Variants in TMOD2 observed in about 807,000 individuals in gnomAD.
TMOD2 encodes tropomodulin-2.
A neutral mutation model predicts 39.9 loss-of-function variants in TMOD2; 22 were observed. That is an observed-to-expected ratio of 0.55 (90% CI 0.39 to 0.79). The LOEUF (loss-of-function observed/expected upper bound fraction) is 0.79, where lower values mean the gene tolerates loss of function less well. TMOD2 is among the 30% of genes least tolerant of loss of function. The pLI is 0.00. For missense variants in TMOD2, 386 were observed against 413.3 expected (o/e 0.93, Z 0.57); for synonymous variants, 123 against 146.1 (o/e 0.84, Z 1.14).
Position 51,809,930 on chromosome 15 carries a change from C to T in TMOD2, c.*1476C>T, listed in dbSNP as rs182602875. 2.0e-5 allele frequency: 3 copies of T among 152,108 alleles called. No individual in the cohort carries two copies. The highest frequency in any genetic ancestry group is 7.2e-5 in the African/African-American group (3 of 41,496). 9.4% of individuals were successfully genotyped at this position (152,108 alleles called of 1,614,324 possible). A position where few individuals can be genotyped will look rare whatever the true frequency, so the allele number is the denominator to read the frequency against. On this transcript the variant is annotated 3_prime_UTR_variant, in exon 10 of 10. Transcript: ENST00000249700. ...ACACATGGAATCTGTTTAAGATAGC[C>T]CTTGTAAAATTGAACATTTACCTGT...
chr15:51,756,746 G>A (rs1044150718), intron 1 of TMOD2, among the ~76,000 whole-genome samples: 1 of 152,154 alleles, frequency 6.6e-6, no homozygotes, highest in Non-Finnish European at 1.5e-5. Flanking sequence ...CTTTCAGCTT[G>A]TTCCTTCCCA....
chr15:51,770,456 G>A lies in TMOD2; in HGVS notation c.283+2038G>A, dbSNP rs556798023. Among the ~76,000 whole-genome samples, 26 of 152,248 alleles carry A rather than the reference G, an allele frequency of 1.7e-4. No homozygotes were observed. The South Asian group carries it at 5.0e-3, about 29-fold the overall frequency. On this transcript the variant is annotated intron_variant, in intron 3 of 9. Transcript: ENST00000249700. ...TATCCTGGCACAGCAACTGGCATGG[G>A]AGGCACTTGATAAACATGGGTTCCA... is the stretch of plus-strand genomic sequence containing the variant.
chr15:51,779,446 T>C (rs1195657060), intron 5 of TMOD2, among the ~76,000 whole-genome samples: 1 of 151,098 alleles, frequency 6.6e-6, no homozygotes, highest in Non-Finnish European at 1.5e-5. Flanking sequence ...AGTGGCACGA[T>C]CTCAGCTCAC....
intron 1 of TMOD2, among the ~76,000 whole-genome samples, chr15:51,760,032 T>C (rs180807181): frequency 6.6e-6 from 1 of 152,280 alleles, no homozygotes; most frequent in Non-Finnish European, 1.5e-5. Flanking sequence ...AGGGAACCCA[T>C]TGATACAGTC....
chr15:51,767,597 C>T (rs986477552), intron 2 of TMOD2, among the ~76,000 whole-genome samples: 1 of 151,228 alleles, frequency 6.6e-6, no homozygotes, highest in Non-Finnish European at 1.5e-5. Context: ...CTGGAAATTG[C>T]TCCGTGTAAT....
intron 5 of TMOD2, 82 bp downstream of exon 5, chr15:51,777,100 G>A: frequency 8.6e-7 from 1 of 1,164,226 alleles, no homozygotes; most frequent in Non-Finnish European, 1.3e-6. Context: ...GTTGAGTCTT[G>A]CAGGCTTTAC....
chr15:51,769,044 A>G (rs913091534), intron 3 of TMOD2, among the ~76,000 whole-genome samples: 6 of 152,244 alleles, frequency 3.9e-5, no homozygotes, highest in Non-Finnish European at 7.3e-5. Context: ...CAGTTGTAGT[A>G]TAAGTATCGC....
intron 8 of TMOD2, among the ~76,000 whole-genome samples, chr15:51,805,000 C>G (rs1465100051): frequency 6.6e-6 from 1 of 151,900 alleles, no homozygotes; most frequent in Non-Finnish European, 1.5e-5. Context: ...ACTCTGTCAC[C>G]CAGGCTGGAG....
chr15:51,766,722 T>TA (rs1161874082), intron 2 of TMOD2, 155 bp downstream of exon 2: 1 of 751,228 alleles, frequency 1.3e-6, no homozygotes, highest in Non-Finnish European at 2.1e-6. Flanking sequence ...TACAAATTCA[T>TA]AGAGAACCTC....
intron 7 of TMOD2, 42 bp downstream of exon 7, chr15:51,782,870 T>G: frequency 6.4e-7 from 1 of 1,554,866 alleles, no homozygotes; most frequent in Non-Finnish European, 8.9e-7. Flanking sequence ...GTTATTTAAT[T>G]CACTGGAAAC....
At chr15:51,798,369 C>A in intron 8 of TMOD2, 29 bp downstream of exon 8, 1 of 1,612,440 alleles carries the variant, frequency 6.2e-7, no homozygotes, top group South Asian at 1.1e-5. Context: ...TAGGCAAAGT[C>A]AACTCACAGG....
At chr15:51,798,882 G>A (rs1181061286) in intron 8 of TMOD2, among the ~76,000 whole-genome samples, 4 of 152,222 alleles carry the variant, frequency 2.6e-5, no homozygotes, top group African/African-American at 7.2e-5. Context: ...CTAGAAGATG[G>A]TCTGGCTTAG....
intron 5 of TMOD2, among the ~76,000 whole-genome samples, chr15:51,777,929 C>T (rs916539283): frequency 1.8e-4 from 28 of 151,788 alleles, no homozygotes; most frequent in African/African-American, 5.6e-4. Flanking sequence ...GTCAGTGTGG[C>T]GATTCCTCAG....
intron 1 of TMOD2, among the ~76,000 whole-genome samples, chr15:51,763,711 C>T (rs1193323215): frequency 1.3e-5 from 2 of 152,162 alleles, no homozygotes; most frequent in Non-Finnish European, 2.9e-5. Context: ...CTGGGATTTC[C>T]TTCCAAGACC....
chr15:51,762,605 G>A (rs188006095), intron 1 of TMOD2, among the ~76,000 whole-genome samples: 82 of 152,286 alleles, frequency 5.4e-4, no homozygotes, highest in African/African-American at 1.9e-3. Context: ...TTTGATATAT[G>A]CATGTATGTG....
intron 1 of TMOD2, among the ~76,000 whole-genome samples, chr15:51,760,650 CA>C (rs1437795672): frequency 8.6e-5 from 13 of 151,806 alleles, no homozygotes; most frequent in African/African-American, 3.1e-4. Flanking sequence ...ACTAAAAATA[CA>C]AAAAATTAGC....
chr15:51,787,939 C>T (rs548938492), intron 7 of TMOD2, among the ~76,000 whole-genome samples: 33 of 152,264 alleles, frequency 2.2e-4, no homozygotes, highest in African/African-American at 6.0e-4. Context: ...AAAACCAGAA[C>T]GCCTCTTCTC....
intron 1 of TMOD2, among the ~76,000 whole-genome samples, chr15:51,755,195 G>T (rs2055733922): frequency 6.6e-6 from 1 of 152,172 alleles, no homozygotes; most frequent in Admixed American, 6.5e-5. Context: ...CTTCGTGGTT[G>T]TGTAAAATGA....
rs1309017582 is a variant in TMOD2, at chr15:51,814,746, C to G, written c.*6292C>G. On this transcript the variant is annotated 3_prime_UTR_variant, in exon 10 of 10. Coordinates refer to ENST00000249700, the MANE Select transcript of TMOD2 (RefSeq NM_014548.4). ...GTAGATTCAATGCTCCCTAAGGTCCCTTCCAGCTCCAATACTTGACAAGCT... is the reference window on the plus strand; with the variant it reads ...GTAGATTCAATGCTCCCTAAGGTCCGTTCCAGCTCCAATACTTGACAAGCT... 1 of 152,234 alleles carries G rather than the reference C, an allele frequency of 6.6e-6. No individual in the cohort carries two copies. The highest frequency in any genetic ancestry group is 2.4e-5 in the African/African-American group (1 of 41,452). The allele number at this position is 152,234 out of a possible 1,614,324, so 9.4% of individuals were successfully genotyped here.
Sources: gnomAD v4.1 joint callset for allele counts (sites outside exome capture counted in the v4.1 genomes callset) on GRCh38, gnomAD v4.1.1 for gene constraint, MANE v1.5 for transcripts, NCBI Gene and HGNC (gene_info 2026-07-23, HGNC 2026-07-21) for gene names.